The following CA10 variants were observed in gnomAD, a reference collection of about 807,000 sequenced individuals.
The protein encoded by CA10 is carbonic anhydrase 10 (inactive).
A neutral mutation model predicts 44.2 loss-of-function variants in CA10; 14 were observed. The observed-to-expected ratio is 0.32, with a 90% CI of 0.21 to 0.50. CA10 has a LOEUF of 0.50. Ranked by LOEUF, CA10 falls within the 20% of genes least tolerant of loss-of-function variation. The probability of loss-of-function intolerance (pLI) is 0.99; values close to 1 mark genes in which losing one functional copy is unlikely to be tolerated. For missense variants in CA10, 350 were observed against 409.7 expected (o/e 0.85, Z 1.26); for synonymous variants, 159 against 141.6 (o/e 1.12, Z -0.87).
intron 1 of CA10, among the ~76,000 whole-genome samples, chr17:52,110,795 T>C (rs1393313445): frequency 6.6e-6 from 1 of 152,100 alleles, no homozygotes; most frequent in East Asian, 1.9e-4. Flanking sequence ...CTGCCTTCCT[T>C]TGTGGGCACA....
At chr17:51,920,673 C>T (rs1982194892) in intron 3 of CA10, among the ~76,000 whole-genome samples, 1 of 152,210 alleles carries the variant, frequency 6.6e-6, no homozygotes, top group East Asian at 1.9e-4. Context: ...AGACAGTGAG[C>T]GGCAATCCTC....
At chr17:51,939,371 C>T (rs1982989557) in intron 2 of CA10, among the ~76,000 whole-genome samples, 1 of 152,048 alleles carries the variant, frequency 6.6e-6, no homozygotes, top group Non-Finnish European at 1.5e-5. Flanking sequence ...AATAAATAGC[C>T]TCAGAGATAT....
chr17:52,076,484 A>G (rs560851772), intron 1 of CA10, among the ~76,000 whole-genome samples: 39 of 152,368 alleles, frequency 2.6e-4, no homozygotes, highest in Non-Finnish European at 4.6e-4. Context: ...TTTGATGTGC[A>G]TTGTGAAGAA....
chr17:52,060,584 G>T (rs1216461535), intron 2 of CA10, among the ~76,000 whole-genome samples: 1 of 152,124 alleles, frequency 6.6e-6, no homozygotes, highest in Non-Finnish European at 1.5e-5. Context: ...TATTTTGAAA[G>T]ATGACACCTG....
At chr17:51,970,627 G>T (rs2144068628) in intron 2 of CA10, among the ~76,000 whole-genome samples, 1 of 152,112 alleles carries the variant, frequency 6.6e-6, no homozygotes, top group South Asian at 2.1e-4. Flanking sequence ...ACTCGCATGA[G>T]ATAAGCATGA....
intron 3 of CA10, among the ~76,000 whole-genome samples, chr17:51,874,580 G>C (rs994488105): frequency 6.6e-6 from 1 of 152,058 alleles, no homozygotes; most frequent in Non-Finnish European, 1.5e-5. Flanking sequence ...AGAGCACCAG[G>C]TGACCTCATT....
At chr17:51,644,941 G>C (rs1913258182) in intron 6 of CA10, among the ~76,000 whole-genome samples, 1 of 151,676 alleles carries the variant, frequency 6.6e-6, no homozygotes, top group African/African-American at 2.4e-5. Flanking sequence ...TGGAATTACA[G>C]GCGCGCGCCA....
At chr17:51,854,647 A>G (rs575573727) in intron 3 of CA10, among the ~76,000 whole-genome samples, 2 of 152,236 alleles carry the variant, frequency 1.3e-5, no homozygotes, top group African/African-American at 4.8e-5. Flanking sequence ...AGGCAGAGGC[A>G]TCAAGTCTTG....
At chr17:52,122,504 A>C (rs1397783492) in intron 1 of CA10, among the ~76,000 whole-genome samples, 3 of 152,108 alleles carry the variant, frequency 2.0e-5, no homozygotes, top group African/African-American at 7.2e-5. Flanking sequence ...TTGATTTAGG[A>C]GTTTCCTGGT....
chr17:51,636,737 C>T (rs888494610), intron 6 of CA10, among the ~76,000 whole-genome samples: 41 of 150,770 alleles, frequency 2.7e-4, no homozygotes, highest in Admixed American at 2.6e-3. Flanking sequence ...CCAAATCCTA[C>T]CATGAGATTC....
intron 3 of CA10, among the ~76,000 whole-genome samples, chr17:51,836,798 G>A (rs1908493445): frequency 6.6e-6 from 1 of 152,156 alleles, no homozygotes; most frequent in Non-Finnish European, 1.5e-5. Context: ...GCAATTGATG[G>A]GGAGGGGTTT....
At chr17:51,880,882 G>T (rs76873617) in intron 3 of CA10, among the ~76,000 whole-genome samples, 12,107 of 152,140 alleles carry the variant, frequency 0.08, 1,021 homozygotes, top group African/African-American at 0.22. Flanking sequence ...ATGTAGAAAT[G>T]TAGTTGTATT....
intron 2 of CA10, among the ~76,000 whole-genome samples, chr17:52,060,801 G>T (rs1987362861): frequency 6.6e-6 from 1 of 152,114 alleles, no homozygotes; most frequent in Non-Finnish European, 1.5e-5. Context: ...ATACATATTT[G>T]TAGTGGAAAG....
intron 2 of CA10, among the ~76,000 whole-genome samples, chr17:51,934,024 GC>G (rs1982767441): frequency 6.6e-6 from 1 of 152,054 alleles, no homozygotes; most frequent in Admixed American, 6.6e-5. Flanking sequence ...CACGATCAAA[GC>G]CTGCGTCTCT....
intron 1 of CA10, 107 bp downstream of exon 1, chr17:52,157,619 T>A: frequency 1.1e-6 from 1 of 945,814 alleles, no homozygotes; most frequent in Non-Finnish European, 1.6e-6. Flanking sequence ...ACTCAAAGGG[T>A]CTCGCCACCC....
chr17:51,946,593 T>G (rs1983281716), intron 2 of CA10, among the ~76,000 whole-genome samples: 1 of 152,116 alleles, frequency 6.6e-6, no homozygotes, highest in Non-Finnish European at 1.5e-5. Context: ...CCTTTCTCCA[T>G]CACACCATGT....
chr17:51,977,792 C>T (rs879668708), intron 2 of CA10, among the ~76,000 whole-genome samples: 17 of 151,868 alleles, frequency 1.1e-4, no homozygotes, highest in East Asian at 3.9e-4. Flanking sequence ...CTAAGAAATC[C>T]GCAGAAGAAA....
At chr17:52,021,423 A>C (rs1372441725) in intron 2 of CA10, among the ~76,000 whole-genome samples, 1 of 152,090 alleles carries the variant, frequency 6.6e-6, no homozygotes, top group Non-Finnish European at 1.5e-5. Context: ...TTATATTCCC[A>C]CCAACAGTGT....
intron 3 of CA10, among the ~76,000 whole-genome samples, chr17:51,840,076 T>TATTG (rs1177011510): frequency 1.3e-5 from 2 of 152,212 alleles, no homozygotes; most frequent in African/African-American, 4.8e-5. Flanking sequence ...TAGATTTGAA[T>TATTG]ATTGGGTCCA....
Sources: gnomAD v4.1 joint callset for allele counts (sites outside exome capture counted in the v4.1 genomes callset) on GRCh38, gnomAD v4.1.1 for gene constraint, MANE v1.5 for transcripts, NCBI Gene and HGNC (gene_info 2026-07-23, HGNC 2026-07-21) for gene names.